NRXN3: variants seen among roughly 807,000 people sequenced by gnomAD.
The protein encoded by NRXN3 is neurexin III.
Under a neutral mutation model 137.6 loss-of-function variants are expected in NRXN3, and 32 were observed. That is an observed-to-expected ratio of 0.23 (90% confidence interval 0.18 to 0.31). The LOEUF is 0.31. Among genes scored for constraint, NRXN3 ranks in the 10% least tolerant of loss-of-function variants. NRXN3 has a pLI of 1.00. For synonymous variants in NRXN3, 798 were observed against 784.5 expected, an observed-to-expected ratio of 1.02 and a Z score of -0.29; for missense variants, 1,574 against 2,062.5, an observed-to-expected ratio of 0.76 and a Z score of 4.59.
intron 15 of NRXN3, among the ~76,000 whole-genome samples, chr14:79,271,424 C>T (rs1209875102): frequency 1.4e-5 from 2 of 148,034 alleles, no homozygotes; most frequent in Non-Finnish European, 3.0e-5. Context: ...TTCCCTTCCC[C>T]TTTCTTTCCT....
intron 7 of NRXN3, among the ~76,000 whole-genome samples, chr14:78,710,595 G>C (rs1213113644): frequency 6.6e-6 from 1 of 152,196 alleles, no homozygotes; most frequent in Non-Finnish European, 1.5e-5. Flanking sequence ...CATATTTATA[G>C]AGATTCACTT....
At chr14:78,349,288 G>A (rs2083163118) in intron 4 of NRXN3, among the ~76,000 whole-genome samples, 1 of 152,190 alleles carries the variant, frequency 6.6e-6, no homozygotes, top group Non-Finnish European at 1.5e-5. Flanking sequence ...GCCGGCCAAT[G>A]TTACCCCTTT....
At chr14:79,382,097 G>T (rs548393704) in intron 15 of NRXN3, among the ~76,000 whole-genome samples, 216 of 152,232 alleles carry the variant, frequency 1.4e-3, no homozygotes, top group African/African-American at 5.0e-3. Flanking sequence ...TCTGCAAAAT[G>T]GAACAATAGA....
At chr14:78,840,739 C>T (rs552158849) in intron 10 of NRXN3, among the ~76,000 whole-genome samples, 2 of 152,140 alleles carry the variant, frequency 1.3e-5, no homozygotes, top group Admixed American at 6.6e-5. Context: ...CTTTCACATT[C>T]GCTCCATTAG....
At chr14:78,662,574 C>T (rs8013926) in intron 6 of NRXN3, among the ~76,000 whole-genome samples, 28,199 of 151,884 alleles carry the variant, frequency 0.19, 2,818 homozygotes, top group South Asian at 0.25. Flanking sequence ...CTGAGGTTAT[C>T]GAGGGGATTC....
At chr14:78,331,609 A>C (rs2080829410) in intron 4 of NRXN3, among the ~76,000 whole-genome samples, 1 of 152,222 alleles carries the variant, frequency 6.6e-6, no homozygotes, top group Non-Finnish European at 1.5e-5. Flanking sequence ...AATATAATCC[A>C]GAAAATTGTG....
At chr14:79,451,511 A>AT (rs2096172633) in intron 15 of NRXN3, among the ~76,000 whole-genome samples, 1 of 152,208 alleles carries the variant, frequency 6.6e-6, no homozygotes, top group Non-Finnish European at 1.5e-5. Flanking sequence ...GATCATGGAA[A>AT]TTGGGTCATC....
At chr14:78,181,666 C>T (rs1447071240) in intron 1 of NRXN3, among the ~76,000 whole-genome samples, 1 of 152,158 alleles carries the variant, frequency 6.6e-6, no homozygotes, top group African/African-American at 2.4e-5. Context: ...GAGTAAATCT[C>T]CGCACAACTT....
intron 16 of NRXN3, among the ~76,000 whole-genome samples, chr14:79,636,328 G>A (rs775228459): frequency 6.6e-5 from 10 of 152,126 alleles, no homozygotes; most frequent in Non-Finnish European, 1.5e-4. Context: ...TCACCAATAT[G>A]CTGCAGTCTG....
intron 4 of NRXN3, among the ~76,000 whole-genome samples, chr14:78,303,962 T>C (rs2205164): frequency 0.75 from 114,715 of 152,156 alleles, 43,357 homozygotes; most frequent in Middle Eastern, 0.86. Context: ...AGAGTCGTAC[T>C]TAATGAATGC....
intron 10 of NRXN3, among the ~76,000 whole-genome samples, chr14:78,922,303 CAA>C (rs2152826739): frequency 6.6e-6 from 1 of 152,306 alleles, no homozygotes; most frequent in Admixed American, 6.5e-5. Context: ...GTCTGTGGTT[CAA>C]ACATTTTGAA....
At chr14:79,764,167 G>GGC (rs779254404) in intron 19 of NRXN3, among the ~76,000 whole-genome samples, 2 of 149,838 alleles carry the variant, frequency 1.3e-5, no homozygotes, top group African/African-American at 2.5e-5. Context: ...TTGGTGGGTG[G>GGC]GGGGGGTGTT....
intron 4 of NRXN3, among the ~76,000 whole-genome samples, chr14:78,601,045 C>G (rs2097197710): frequency 1.3e-5 from 2 of 152,178 alleles, no homozygotes; most frequent in South Asian, 4.1e-4. Flanking sequence ...TTCAGGGTTT[C>G]ATCACCTTGA....
intron 15 of NRXN3, among the ~76,000 whole-genome samples, chr14:79,340,160 GGTGTGTGTGTGTGT>G (rs10533702): frequency 6.8e-6 from 1 of 146,630 alleles, no homozygotes; most frequent in Non-Finnish European, 1.5e-5. Context: ...TGAATTTAAG[GGTGTGTGTGTGTGT>G]GTGTGTGTGT....
chr14:78,180,657 C>G (rs181012836), intron 1 of NRXN3, among the ~76,000 whole-genome samples: 4 of 152,316 alleles, frequency 2.6e-5, no homozygotes, highest in African/African-American at 4.8e-5. Context: ...GACATAGACA[C>G]TGGCTCAGGA....
intron 4 of NRXN3, among the ~76,000 whole-genome samples, chr14:78,509,787 C>T (rs2096067473): frequency 6.6e-6 from 1 of 152,086 alleles, no homozygotes; most frequent in Non-Finnish European, 1.5e-5. Context: ...TCTGAGTGGA[C>T]TCTTCTACCT....
At chr14:79,369,535 CAG>C (rs1337502699) in intron 15 of NRXN3, among the ~76,000 whole-genome samples, 2 of 152,138 alleles carry the variant, frequency 1.3e-5, no homozygotes, top group Non-Finnish European at 2.9e-5. Context: ...TGGAATGAGA[CAG>C]AGACACTGAG....
At chr14:79,773,328 C>T (rs576545563) in intron 19 of NRXN3, among the ~76,000 whole-genome samples, 8 of 152,086 alleles carry the variant, frequency 5.3e-5, no homozygotes, top group South Asian at 2.1e-4. Flanking sequence ...CACATGCACA[C>T]GTATGTTTAT....
At chr14:78,441,892 T>A (rs1486437952) in intron 4 of NRXN3, among the ~76,000 whole-genome samples, 3 of 149,254 alleles carry the variant, frequency 2.0e-5, no homozygotes, top group Non-Finnish European at 4.5e-5. Flanking sequence ...AGGTCAGGAG[T>A]TCAAGCAGCC....
Sources: allele counts gnomAD v4.1 joint callset (sites outside exome capture counted in the v4.1 genomes callset), GRCh38; gene constraint gnomAD v4.1.1; transcripts MANE v1.5; gene names NCBI Gene and HGNC (gene_info 2026-07-23, HGNC 2026-07-21).